The following TRIO variants were observed in gnomAD, a reference collection of about 807,000 sequenced individuals.
TRIO encodes trio Rho guanine nucleotide exchange factor.
TRIO carries 58 observed loss-of-function variants against 351.9 expected under a neutral mutation model. The observed-to-expected ratio is 0.16, with a 90% CI of 0.13 to 0.21. The LOEUF (loss-of-function observed/expected upper bound fraction) is 0.21. TRIO is among the 10% of genes least tolerant of loss of function. TRIO has a pLI of 1.00. For missense variants in TRIO, 3,201 were observed against 4,027.8 expected, an observed-to-expected ratio of 0.79 and a Z score of 5.56; for synonymous variants, 1,758 against 1,595.7, an observed-to-expected ratio of 1.10 and a Z score of -2.42.
At chr5:14,149,134 C>T (rs1787680208) in intron 1 of TRIO, among the ~76,000 whole-genome samples, 1 of 152,150 alleles carries the variant, frequency 6.6e-6, no homozygotes, top group South Asian at 2.1e-4. Flanking sequence ...CTTGCGGGGC[C>T]CTGCATGTGC....
At chr5:14,177,060 T>C (rs1309587471) in intron 1 of TRIO, among the ~76,000 whole-genome samples, 19 of 152,204 alleles carry the variant, frequency 1.2e-4, no homozygotes, top group Admixed American at 1.2e-3. Context: ...CTTTACATAC[T>C]GTAATTGGGT....
At chr5:14,436,473 A>G (rs1046078180) in intron 34 of TRIO, among the ~76,000 whole-genome samples, 1 of 152,148 alleles carries the variant, frequency 6.6e-6, no homozygotes, top group Admixed American at 6.5e-5. Flanking sequence ...ATCTCATGTC[A>G]TCACCTTTCA....
In TRIO at chr5:14,476,945, A is replaced by T. The variant is rs1755122755; in HGVS notation, c.6135A>T (p.Gly2045=). 1.2e-6 allele frequency: 2 copies of T among 1,613,978 alleles called. No homozygotes were observed. The highest frequency in any genetic ancestry group is 1.7e-6 in the Non-Finnish European group (2 of 1,179,946). The change falls in exon 41 of 57, where the codon GGA becomes GGT. Residue 2045 remains glycine (G), a synonymous_variant. Transcript: ENST00000344204. ...GCCTTGAAGATCCAGAAAAACTAGGATCCCTTTTTGTTAAACACGTAAGCA... is the reference window on the plus strand; with the variant it reads ...GCCTTGAAGATCCAGAAAAACTAGGTTCCCTTTTTGTTAAACACGTAAGCA... ...EKCLEDPEKL[G]SLFVKHERRL...
At chr5:14,473,783 A>G (rs1754849880) in intron 39 of TRIO, among the ~76,000 whole-genome samples, 1 of 152,258 alleles carries the variant, frequency 6.6e-6, no homozygotes, top group Non-Finnish European at 1.5e-5. Flanking sequence ...GTCCAGGGAA[A>G]TAAAATTACA....
At chr5:14,357,450 C>G (rs1231594400) in intron 11 of TRIO, among the ~76,000 whole-genome samples, 1 of 152,252 alleles carries the variant, frequency 6.6e-6, no homozygotes, top group African/African-American at 2.4e-5. Context: ...GCTCTGCTCC[C>G]TGGCTCCCAC....
intron 49 of TRIO, among the ~76,000 whole-genome samples, chr5:14,493,602 G>A (rs1756657132): frequency 6.6e-6 from 1 of 151,994 alleles, no homozygotes. Flanking sequence ...CTCTCCTCAG[G>A]CCTGCCTGAG....
At chr5:14,390,156 C>A in intron 25 of TRIO, 75 bp from the exon 26 acceptor site, 1 of 1,361,888 alleles carries the variant, frequency 7.3e-7, no homozygotes, top group Non-Finnish European at 1.0e-6. Context: ...ACAGATTTCT[C>A]AGTTTCTGGC....
In TRIO at chr5:14,507,947, C is replaced by T; in HGVS notation, c.8819C>T (p.Ala2940Val). 6.2e-7 allele frequency: 1 copy of T among 1,614,210 alleles called. No homozygotes were observed. Among genetic ancestry groups the T allele is most frequent in the East Asian group, 2.2e-5 (1 of 44,886 alleles). ...PTIKLADFGD[A>V]VQLNTTYYIH... The stretch of plus-strand genomic sequence containing the variant: ...ATCAAACTGGCTGACTTTGGAGATG[C>T]TGTTCAGCTCAACACGACCTACTAC... Residue 2940 changes from alanine (A) to valine (V), a missense_variant, in exon 57 of 57, where the codon GCT becomes GTT. Physicochemically the swap from Ala to Val is moderately conservative, Grantham distance 64. This residue lies in a region of TRIO where 233 missense variants were observed against 292.6 expected (regional missense o/e 0.80). Coordinates refer to ENST00000344204, the MANE Select transcript of TRIO (RefSeq NM_007118.4).
intron 13 of TRIO, among the ~76,000 whole-genome samples, chr5:14,363,278 G>A (rs1284791845): frequency 1.3e-5 from 2 of 152,172 alleles, no homozygotes; most frequent in South Asian, 2.1e-4. Context: ...GGGATTATAG[G>A]CGTGAGCCAC....
rs568710520 is a variant in TRIO at position 14,494,294 on chromosome 5, T to G, written c.7880+1480T>G. ...CAACTCTTCATCCCCCTGGAATGCCTGCTGTGGTAGAGGCATCTACTCTGC... is the reference window on the plus strand; with the variant it reads ...CAACTCTTCATCCCCCTGGAATGCCGGCTGTGGTAGAGGCATCTACTCTGC... On this transcript the variant is annotated intron_variant, in intron 49 of 56. Coordinates refer to ENST00000344204, the MANE Select transcript of TRIO (RefSeq NM_007118.4). Among the ~76,000 whole-genome samples, 9 of 152,348 alleles carry G rather than the reference T, an allele frequency of 5.9e-5. No homozygotes were observed. In the South Asian group the frequency reaches 1.2e-3, roughly 21 times the overall value.
intron 41 of TRIO, among the ~76,000 whole-genome samples, chr5:14,478,227 G>A (rs1187625491): frequency 2.0e-5 from 3 of 152,168 alleles, no homozygotes; most frequent in Admixed American, 2.0e-4. Flanking sequence ...ATACTCCCTG[G>A]TTGAGTTTTA....
rs16903391 is a variant in TRIO, at chr5:14,319,440, G to T, written c.1731+2697G>T. On this transcript the variant is annotated intron_variant, in intron 9 of 56. Coordinates refer to ENST00000344204, the MANE Select transcript of TRIO (RefSeq NM_007118.4). ...ACTCAAGGAATTAATGACACATAGG[G>T]AAGTTTTTGCCATATTAAGCATAGA... 5.6e-3 allele frequency among the ~76,000 whole-genome samples: 849 copies of T among 152,302 alleles called. 8 individuals carry two copies. The highest frequency in any genetic ancestry group is 0.018 in the African/African-American group (763 of 41,564).
rs776028227 is a variant in TRIO, at chr5:14,492,733, C to T, written c.7799C>T (p.Pro2600Leu). The T allele has an allele frequency of 1.9e-6, 3 of 1,614,038 alleles. No homozygotes were observed. The highest frequency in any genetic ancestry group is 1.7e-5 in the Admixed American group (1 of 60,000). Residue 2600 changes from proline (P) to leucine (L), a missense_variant, in exon 49 of 57, where the codon CCC becomes CTC. Physicochemically the swap from Pro to Leu is moderately conservative, Grantham distance 98. Transcript: ENST00000344204. ...LVFRAATDQC[P>L]AAEGWIPGFV... is the part of the protein sequence containing the mutation. The stretch of plus-strand genomic sequence containing the variant: ...TTCCGAGCCGCCACTGACCAGTGCC[C>T]CGCAGCTGAGGGCTGGATTCCAGGC...
chr5:14,388,135 T>C (rs1395642361), intron 23 of TRIO, among the ~76,000 whole-genome samples: 1 of 152,242 alleles, frequency 6.6e-6, no homozygotes, highest in African/African-American at 2.4e-5. Context: ...ATAGTTTTTA[T>C]CACGCCTAAA....
At chr5:14,323,265 C>T (rs1373112199) in intron 9 of TRIO, among the ~76,000 whole-genome samples, 1 of 152,074 alleles carries the variant, frequency 6.6e-6, no homozygotes, top group East Asian at 1.9e-4. Flanking sequence ...CTGGAGCCCC[C>T]TCATTTTCCA....
chr5:14,471,381 A>G lies in TRIO; in HGVS notation c.5827A>G (p.Asn1943Asp), dbSNP rs201630329. Residue 1943 changes from asparagine (N) to aspartate (D), a missense_variant, in exon 38 of 57, where the codon AAC becomes GAC. By Grantham distance (23) the Asn-to-Asp change is conservative. Coordinates refer to ENST00000344204, the MANE Select transcript of TRIO (RefSeq NM_007118.4). Reference protein sequence around the residue: ...DQGDSSSPSFNPSDNSLLSSS... With the variant: ...DQGDSSSPSFDPSDNSLLSSS... ...GGGAGATAGTAGCAGCCCTTCCTTC[A>G]ACCCTTCGGATAATTCCCTTCTCTC... 1.2e-6 allele frequency: 2 copies of G among 1,614,028 alleles called. No homozygotes were observed. The highest frequency in any genetic ancestry group is 2.7e-5 in the African/African-American group (2 of 74,914).
intron 38 of TRIO, 123 bp downstream of exon 38, chr5:14,471,589 TAAGTAACTGCA>T (rs1653962758): frequency 7.8e-7 from 1 of 1,283,296 alleles, no homozygotes; most frequent in Non-Finnish European, 1.1e-6. Flanking sequence ...GGCCTCTCAT[TAAGTAACTGCA>T]CGTATGTAAA....
intron 8 of TRIO, among the ~76,000 whole-genome samples, chr5:14,311,287 A>G (rs907107427): frequency 2.6e-5 from 4 of 152,234 alleles, no homozygotes; most frequent in Non-Finnish European, 4.4e-5. Context: ...CCTTTCTGAT[A>G]ATCCCAGGTT....
chr5:14,346,955 T>G (rs1742474615), intron 11 of TRIO, among the ~76,000 whole-genome samples: 1 of 152,256 alleles, frequency 6.6e-6, no homozygotes, highest in Admixed American at 6.5e-5. Flanking sequence ...GGAAGTCACG[T>G]CCAGTCTGGA....
Sources: allele counts gnomAD v4.1 joint callset (sites outside exome capture counted in the v4.1 genomes callset), GRCh38; gene constraint gnomAD v4.1.1; regional missense constraint gnomAD v4.1.1; transcripts MANE v1.5; gene names NCBI Gene and HGNC (gene_info 2026-07-23, HGNC 2026-07-21).